Variants in USH2A observed in about 807,000 individuals in gnomAD.
USH2A encodes the protein Usher syndrome 2A (autosomal recessive, mild).
USH2A carries 443 observed loss-of-function variants against 538.9 expected under a neutral mutation model. The observed-to-expected ratio is 0.82, with a 90% confidence interval of 0.76 to 0.89. USH2A has a LOEUF of 0.89. Ranked by LOEUF, USH2A falls within the 40% of genes least tolerant of loss-of-function variation. The pLI is 0.00. For synonymous variants in USH2A, 2,413 were observed against 2,273.5 expected (o/e 1.06, Z -1.75); for missense variants, 6,633 against 6,324.8 (o/e 1.05, Z -1.65).
intron 55 of USH2A, among the ~76,000 whole-genome samples, chr1:215,771,440 C>T (rs527857929): frequency 1.3e-5 from 2 of 150,766 alleles, no homozygotes; most frequent in Admixed American, 6.6e-5. Context: ...ATTAGCCGGG[C>T]GTAGTGGCGG....
At chr1:215,725,262 C>T (rs758999552) in intron 61 of USH2A, among the ~76,000 whole-genome samples, 2 of 152,220 alleles carry the variant, frequency 1.3e-5, no homozygotes, top group Non-Finnish European at 2.9e-5. Flanking sequence ...CCCGCCTCAG[C>T]TTCCCAAAGT....
At chr1:216,234,362 A>G (rs1030598411) in intron 13 of USH2A, among the ~76,000 whole-genome samples, 1 of 152,120 alleles carries the variant, frequency 6.6e-6, no homozygotes, top group African/African-American at 2.4e-5. Flanking sequence ...TAATACTATC[A>G]TTTTTATCAT....
chr1:215,795,163 C>T (rs1247376405), intron 50 of USH2A, among the ~76,000 whole-genome samples: 1 of 152,142 alleles, frequency 6.6e-6, no homozygotes, highest in East Asian at 1.9e-4. Flanking sequence ...GATTTATCTC[C>T]TTTCTTCCTT....
At chr1:216,018,903 T>G (rs956228712) in intron 32 of USH2A, among the ~76,000 whole-genome samples, 7 of 152,182 alleles carry the variant, frequency 4.6e-5, no homozygotes, top group African/African-American at 1.7e-4. Flanking sequence ...TCTCTTTTTC[T>G]AATTGAAAGC....
At chr1:216,081,673 C>G (rs1348392607) in intron 26 of USH2A, among the ~76,000 whole-genome samples, 4 of 152,020 alleles carry the variant, frequency 2.6e-5, no homozygotes, top group Non-Finnish European at 1.5e-5. Context: ...GTCACTGCAG[C>G]CTTCGACTCC....
At chr1:216,142,038 C>T (rs1020692692) in intron 21 of USH2A, among the ~76,000 whole-genome samples, 4 of 151,572 alleles carry the variant, frequency 2.6e-5, no homozygotes, top group African/African-American at 9.7e-5. Context: ...ACACACATTT[C>T]CCCCCAAGCA....
rs188356003 is a variant in USH2A, at chr1:216,194,489, G to T, written c.4251+2064C>A. Among the ~76,000 whole-genome samples the T allele has an allele frequency of 2.4e-3, 368 of 152,180 alleles. 1 individual carries two copies. The highest frequency in any genetic ancestry group is 3.9e-3 in the Non-Finnish European group (263 of 67,994). On this transcript the variant is annotated intron_variant, in intron 19 of 71. Transcript: ENST00000307340. ...TAAGACAAACTATAAATGCCACCTT[G>T]ACAGTATTCTTTATATCGATAGCAT... is the stretch of plus-strand genomic sequence containing the variant.
chr1:216,371,566 A>C (rs111309290), intron 3 of USH2A, among the ~76,000 whole-genome samples: 1 of 152,122 alleles, frequency 6.6e-6, no homozygotes, highest in African/African-American at 2.4e-5. Context: ...AATGCTATAC[A>C]TGTACAGTTG....
chr1:216,072,160 C>T (rs1319395618), intron 29 of USH2A, among the ~76,000 whole-genome samples: 1 of 152,152 alleles, frequency 6.6e-6, no homozygotes, highest in African/African-American at 2.4e-5. Context: ...GAGATGTGTT[C>T]AGTTTCCTGA....
chr1:216,297,154 T>A (rs1358624175), intron 9 of USH2A, among the ~76,000 whole-genome samples: 1 of 152,040 alleles, frequency 6.6e-6, no homozygotes, highest in Admixed American at 6.6e-5. Flanking sequence ...CTGTACCTCT[T>A]TAATCCTTAT....
chr1:216,181,090 T>A (rs1253294696), intron 20 of USH2A, among the ~76,000 whole-genome samples: 1 of 152,142 alleles, frequency 6.6e-6, no homozygotes, highest in East Asian at 1.9e-4. Flanking sequence ...ATTTTGCCAC[T>A]TTCTTCTTTG....
At chr1:216,377,846 A>AGAAAGAAG (rs1347810989) in intron 3 of USH2A, among the ~76,000 whole-genome samples, 2 of 133,288 alleles carry the variant, frequency 1.5e-5, no homozygotes, top group East Asian at 4.3e-4. Context: ...AAAGAAAGAA[A>AGAAAGAAG]GAAAGAAAGA....
intron 51 of USH2A, among the ~76,000 whole-genome samples, chr1:215,787,849 G>C (rs1661846776): frequency 1.3e-5 from 2 of 152,046 alleles, no homozygotes; most frequent in Admixed American, 1.3e-4. Context: ...TTCGAGACCA[G>C]ACCGATCAAC....
chr1:216,420,504 A>G (rs573287999), intron 2 of USH2A, among the ~76,000 whole-genome samples: 1 of 152,126 alleles, frequency 6.6e-6, no homozygotes. Context: ...TTAATTTTGA[A>G]AATGGAAACG....
chr1:215,846,065 G>C, intron 44 of USH2A, 32 bp from the exon 45 acceptor site: 1 of 1,602,866 alleles, frequency 6.2e-7, no homozygotes. Flanking sequence ...CATGGTGAAT[G>C]TAGCTGAGGC....
At chr1:215,671,331 A>C in intron 63 of USH2A, 38 bp from the exon 64 acceptor site, 1 of 1,606,118 alleles carries the variant, frequency 6.2e-7, no homozygotes, top group Non-Finnish European at 8.5e-7. Context: ...ATTTTCAGCA[A>C]AATAGATTTT....
rs568508406 is a variant in USH2A at position 215,940,289 on chromosome 1, C to T, written c.7121-5494G>A. Among the ~76,000 whole-genome samples, 8 of 152,112 alleles carry T rather than the reference C, an allele frequency of 5.3e-5. No individual in the cohort carries two copies. In the East Asian group the frequency reaches 1.4e-3, roughly 26 times the overall value. Reference sequence around the variant, plus strand: ...GTTGTTCAGTTCCATCTCACTATCACGAAATTCTGCCAATACCAAAATCAG... The same window carrying T: ...GTTGTTCAGTTCCATCTCACTATCATGAAATTCTGCCAATACCAAAATCAG... On this transcript the variant is annotated intron_variant, in intron 37 of 71. Transcript: ENST00000307340.
At chr1:215,904,705 C>T (rs1448681016) in intron 38 of USH2A, among the ~76,000 whole-genome samples, 3 of 152,054 alleles carry the variant, frequency 2.0e-5, no homozygotes, top group African/African-American at 7.2e-5. Context: ...CACTCCAAGA[C>T]AACCTCCTGA....
chr1:215,840,615 C>G (rs1425332384), intron 46 of USH2A, among the ~76,000 whole-genome samples: 3 of 152,112 alleles, frequency 2.0e-5, no homozygotes, highest in African/African-American at 7.2e-5. Flanking sequence ...ATAAATAAAG[C>G]CTTTTCCATA....
Sources: allele counts gnomAD v4.1 joint callset (sites outside exome capture counted in the v4.1 genomes callset), GRCh38; gene constraint gnomAD v4.1.1; transcripts MANE v1.5; gene names NCBI Gene and HGNC (gene_info 2026-07-23, HGNC 2026-07-21).